SLC14A2: variants seen among roughly 807,000 people sequenced by gnomAD.
SLC14A2 encodes urea transporter 2.
In SLC14A2, 91 loss-of-function variants were observed where a neutral mutation model predicts 104.6. That is an observed-to-expected ratio of 0.87 (90% CI 0.73 to 1.04). The LOEUF (loss-of-function observed/expected upper bound fraction) is 1.04. Ranked by LOEUF, SLC14A2 falls within the 50% of genes least tolerant of loss-of-function variation. The pLI, the probability that SLC14A2 is intolerant of heterozygous loss-of-function variation, is 0.00. For synonymous variants in SLC14A2, 476 were observed against 466.4 expected, an observed-to-expected ratio of 1.02 and a Z score of -0.27; for missense variants, 1,189 against 1,156.0, an observed-to-expected ratio of 1.03 and a Z score of -0.41.
intron 1 of SLC14A2, among the ~76,000 whole-genome samples, chr18:45,254,884 G>A (rs1330572321): frequency 1.3e-5 from 2 of 152,072 alleles, no homozygotes; most frequent in Non-Finnish European, 1.5e-5. Context: ...CAGAGGGAAG[G>A]ACTTCCCAAC....
chr18:45,172,789 C>CG, the SLC14A2 span, among the ~76,000 whole-genome samples: 2 of 152,082 alleles, frequency 1.3e-5, no homozygotes, highest in Admixed American at 6.6e-5. Flanking sequence ...TGATGGAAGT[C>CG]AATTCATAAA....
chr18:45,303,260 T>C (rs1469430268), intron 1 of SLC14A2, among the ~76,000 whole-genome samples: 1 of 152,194 alleles, frequency 6.6e-6, no homozygotes, highest in African/African-American at 2.4e-5. Context: ...TTTGCCTTAT[T>C]TGAACATAGT....
At chr18:45,209,376 C>CAAA (rs560616066), upstream of SLC14A2, among the ~76,000 whole-genome samples, 3,363 of 150,692 alleles carry the variant, frequency 0.022, 780 homozygotes, top group Middle Eastern at 0.062. Context: ...ACAACAACAA[C>CAAA]AACTGTGGTC....
intron 2 of SLC14A2, among the ~76,000 whole-genome samples, chr18:45,523,318 T>A (rs910375019): frequency 2.0e-5 from 3 of 150,384 alleles, no homozygotes; most frequent in Non-Finnish European, 4.4e-5. Context: ...ATCACCAGGT[T>A]TTTTTTTTGT....
At chr18:45,307,380 T>C (rs561467178) in intron 1 of SLC14A2, among the ~76,000 whole-genome samples, 1 of 141,744 alleles carries the variant, frequency 7.1e-6, no homozygotes, top group Non-Finnish European at 1.5e-5. Flanking sequence ...ATCACACCAT[T>C]GCACTCCAGC....
intron 2 of SLC14A2, among the ~76,000 whole-genome samples, chr18:45,488,504 A>T (rs749384296): frequency 1.3e-5 from 2 of 152,180 alleles, no homozygotes; most frequent in South Asian, 2.1e-4. Flanking sequence ...ACAGGTCAGA[A>T]ATCTTATTTC....
At chr18:45,558,455 A>G (rs1488273683) in intron 2 of SLC14A2, among the ~76,000 whole-genome samples, 1 of 152,236 alleles carries the variant, frequency 6.6e-6, no homozygotes, top group Non-Finnish European at 1.5e-5. Context: ...AAGGAGGGCC[A>G]TGTGGGAGCT....
intron 1 of SLC14A2, among the ~76,000 whole-genome samples, chr18:45,242,646 C>T (rs951517922): frequency 6.6e-6 from 1 of 152,104 alleles, no homozygotes; most frequent in Non-Finnish European, 1.5e-5. Context: ...TACATACATG[C>T]GTCTGAGCCA....
chr18:45,321,927 G>A (rs1283279745), intron 1 of SLC14A2, among the ~76,000 whole-genome samples: 4 of 152,188 alleles, frequency 2.6e-5, no homozygotes, highest in African/African-American at 9.6e-5. Context: ...GACTTGGGCA[G>A]TCTGACATTT....
chr18:45,248,589 T>C (rs1249004572), intron 1 of SLC14A2, among the ~76,000 whole-genome samples: 1 of 152,160 alleles, frequency 6.6e-6, no homozygotes, highest in Non-Finnish European at 1.5e-5. Flanking sequence ...AACTTGGGGT[T>C]ACATGTTGAG....
intron 1 of SLC14A2, among the ~76,000 whole-genome samples, chr18:45,338,712 A>AAAAAT (rs1568158107): frequency 6.9e-6 from 1 of 143,936 alleles, no homozygotes; most frequent in Non-Finnish European, 1.5e-5. Context: ...AAAAAAAAAA[A>AAAAAT]CTCTTTATTT....
At chr18:45,294,798 C>T in intron 1 of SLC14A2, among the ~76,000 whole-genome samples, 1 of 152,246 alleles carries the variant, frequency 6.6e-6, no homozygotes, top group East Asian at 1.9e-4. Context: ...CATTTTCAAG[C>T]TCAGTTGATC....
chr18:45,364,195 A>T (rs1366592495), intron 1 of SLC14A2, among the ~76,000 whole-genome samples: 1 of 152,202 alleles, frequency 6.6e-6, no homozygotes, highest in Non-Finnish European at 1.5e-5. Flanking sequence ...TCCCTGCTCT[A>T]GATGGCTGCT....
At chr18:45,372,755 A>T (rs2085736656) in intron 1 of SLC14A2, among the ~76,000 whole-genome samples, 1 of 152,224 alleles carries the variant, frequency 6.6e-6, no homozygotes, top group Non-Finnish European at 1.5e-5. Context: ...ATCTAATAGG[A>T]ATATAATGCA....
chr18:45,256,269 C>T (rs1454203820), intron 1 of SLC14A2, among the ~76,000 whole-genome samples: 1 of 152,190 alleles, frequency 6.6e-6, no homozygotes, highest in African/African-American at 2.4e-5. Flanking sequence ...AATAGATAAA[C>T]TATGGCTGCT....
intron 1 of SLC14A2, among the ~76,000 whole-genome samples, chr18:45,235,991 A>C (rs1469715294): frequency 7.1e-5 from 5 of 70,448 alleles, no homozygotes; most frequent in Non-Finnish European, 9.8e-5. Flanking sequence ...ATATATGTGT[A>C]TATATACATA....
chr18:45,607,379 G>A (rs2044889717), intron 2 of SLC14A2, among the ~76,000 whole-genome samples: 1 of 152,092 alleles, frequency 6.6e-6, no homozygotes, highest in Admixed American at 6.5e-5. Flanking sequence ...CAAATTTATA[G>A]GCAAGTGCTC....
intron 1 of SLC14A2, among the ~76,000 whole-genome samples, chr18:45,442,029 G>C (rs1343322152): frequency 2.6e-5 from 4 of 152,146 alleles, no homozygotes. Context: ...CAAGGAAGAT[G>C]TATCATATCT....
intron 1 of SLC14A2, among the ~76,000 whole-genome samples, chr18:45,351,240 T>A (rs1001968995): frequency 7.9e-5 from 12 of 152,132 alleles, no homozygotes; most frequent in Non-Finnish European, 1.3e-4. Context: ...CCCTGATCAG[T>A]TTAACTTTAT....
Sources: allele counts gnomAD v4.1 joint callset (sites outside exome capture counted in the v4.1 genomes callset), GRCh38; gene constraint gnomAD v4.1.1; transcripts MANE v1.5; gene names NCBI Gene and HGNC (gene_info 2026-07-23, HGNC 2026-07-21).